Variants in KCNIP4 observed in about 807,000 individuals in gnomAD.
The protein encoded by KCNIP4 is potassium voltage-gated channel interacting protein 4.
In KCNIP4, 12 loss-of-function variants were observed where a neutral mutation model predicts 34.0. The ratio of observed to expected loss-of-function variants is 0.35; its 90% CI spans 0.23 to 0.57. KCNIP4 has a LOEUF of 0.57. Ranked by LOEUF, KCNIP4 falls within the 20% of genes least tolerant of loss-of-function variation. The pLI is 0.83. For synonymous variants in KCNIP4, 124 were observed against 102.2 expected, an observed-to-expected ratio of 1.21 and a Z score of -1.29; for missense variants, 238 against 311.7, an observed-to-expected ratio of 0.76 and a Z score of 1.78.
intron 1 of KCNIP4, among the ~76,000 whole-genome samples, chr4:21,800,994 G>A (rs901141985): frequency 2.0e-5 from 3 of 152,038 alleles, no homozygotes; most frequent in Admixed American, 6.6e-5. Flanking sequence ...TTCATTCTCC[G>A]AGTCAGAAAC....
At chr4:21,833,841 A>G (rs1045286455) in intron 1 of KCNIP4, among the ~76,000 whole-genome samples, 95 of 152,182 alleles carry the variant, frequency 6.2e-4, no homozygotes, top group Non-Finnish European at 1.2e-3. Flanking sequence ...CCATTTATTA[A>G]ATAGGGAATC....
chr4:21,435,144 A>G (rs888434830), intron 1 of KCNIP4, among the ~76,000 whole-genome samples: 3 of 152,232 alleles, frequency 2.0e-5, no homozygotes, highest in Non-Finnish European at 4.4e-5. Context: ...GGACTCATGA[A>G]CAAAGATGGG....
chr4:20,924,430 A>G (rs1011834425), intron 1 of KCNIP4, among the ~76,000 whole-genome samples: 9 of 152,214 alleles, frequency 5.9e-5, no homozygotes, highest in African/African-American at 2.2e-4. Flanking sequence ...TTATGTAGTC[A>G]GAGAATCCTC....
chr4:21,400,301 T>C (rs1351676668), intron 1 of KCNIP4, among the ~76,000 whole-genome samples: 1 of 151,866 alleles, frequency 6.6e-6, no homozygotes, highest in African/African-American at 2.4e-5. Flanking sequence ...GACAACAAGA[T>C]AACTGTAATG....
intron 1 of KCNIP4, among the ~76,000 whole-genome samples, chr4:21,247,578 C>CATATATATAT (rs368574338): frequency 6.9e-4 from 93 of 133,974 alleles, no homozygotes; most frequent in African/African-American, 2.0e-3. Context: ...GATATAAATA[C>CATATATATAT]ATATATATAT....
chr4:21,915,153 C>T (rs1728559611), intron 1 of KCNIP4, among the ~76,000 whole-genome samples: 1 of 152,156 alleles, frequency 6.6e-6, no homozygotes, highest in South Asian at 2.1e-4. Context: ...CTCAACTCTG[C>T]TGTTATAAAC....
chr4:20,833,809 C>T (rs964370356), intron 3 of KCNIP4, among the ~76,000 whole-genome samples: 6 of 152,122 alleles, frequency 3.9e-5, no homozygotes, highest in South Asian at 4.1e-4. Context: ...TTTTAGACTC[C>T]GTGCTCATTT....
In KCNIP4 at chr4:21,517,263, C is replaced by A. The variant is rs540049711; in HGVS notation, c.61+431308G>T. ...CACGTCAGAGTGGGATCCAGGACCC[C>A]CTTCCTGTAAATAACCATAAACACA... On this transcript the variant is annotated intron_variant, in intron 1 of 8. Transcript: ENST00000382152. 1.2e-4 allele frequency among the ~76,000 whole-genome samples: 19 copies of A among 152,212 alleles called. No homozygotes were observed. The South Asian group carries it at 3.9e-3, about 32-fold the overall frequency.
intron 1 of KCNIP4, among the ~76,000 whole-genome samples, chr4:21,008,222 A>G (rs1738739970): frequency 3.3e-5 from 5 of 152,226 alleles, no homozygotes; most frequent in Admixed American, 2.0e-4. Flanking sequence ...AATCCACCGG[A>G]GAACTGCATT....
chr4:21,152,503 AT>A (rs936603083), intron 1 of KCNIP4, among the ~76,000 whole-genome samples: 1,637 of 143,654 alleles, frequency 0.011, 18 homozygotes, highest in African/African-American at 0.034. Context: ...AATACAAGCC[AT>A]TTTTTTTTTT....
chr4:21,564,006 T>G (rs998148953), intron 1 of KCNIP4, among the ~76,000 whole-genome samples: 5 of 152,126 alleles, frequency 3.3e-5, no homozygotes, highest in African/African-American at 4.8e-5. Flanking sequence ...TTAATATATC[T>G]AAGACATTGT....
chr4:21,569,234 TAAAAAAAA>T (rs71191521), intron 1 of KCNIP4, among the ~76,000 whole-genome samples: 8 of 25,186 alleles, frequency 3.2e-4, no homozygotes, highest in Admixed American at 1.8e-3. Flanking sequence ...ACTGATATTC[TAAAAAAAA>T]AAAAAAAAAA....
intron 1 of KCNIP4, among the ~76,000 whole-genome samples, chr4:20,958,174 T>C (rs1181101221): frequency 6.6e-6 from 1 of 152,222 alleles, no homozygotes. Context: ...TAGAAAGGAC[T>C]CCTGTGAAAT....
At chr4:21,742,491 G>C (rs1310660456) in intron 1 of KCNIP4, among the ~76,000 whole-genome samples, 2 of 152,118 alleles carry the variant, frequency 1.3e-5, no homozygotes, top group Non-Finnish European at 2.9e-5. Flanking sequence ...TAGAAAGCTG[G>C]CATTTTACTT....
chr4:21,421,169 A>G (rs1048436107), intron 1 of KCNIP4, among the ~76,000 whole-genome samples: 3 of 152,204 alleles, frequency 2.0e-5, no homozygotes, highest in African/African-American at 7.2e-5. Flanking sequence ...AAGAGGGAAC[A>G]CTTGCACACT....
chr4:21,558,434 G>A (rs1341769785), intron 1 of KCNIP4, among the ~76,000 whole-genome samples: 1 of 151,866 alleles, frequency 6.6e-6, no homozygotes, highest in African/African-American at 2.4e-5. Flanking sequence ...AGAGGTTACA[G>A]TGAGCTGAGC....
At chr4:21,824,448 ACC>A (rs1340418322) in intron 1 of KCNIP4, among the ~76,000 whole-genome samples, 1 of 152,130 alleles carries the variant, frequency 6.6e-6, no homozygotes, top group East Asian at 1.9e-4. Flanking sequence ...ATTTTTCAGA[ACC>A]TGCATTCTGA....
intron 1 of KCNIP4, among the ~76,000 whole-genome samples, chr4:21,812,930 A>G (rs1026133891): frequency 1.8e-4 from 28 of 152,258 alleles, no homozygotes; most frequent in Non-Finnish European, 2.8e-4. Flanking sequence ...ACACTTTCAC[A>G]TAAGACTTGA....
intron 5 of KCNIP4, among the ~76,000 whole-genome samples, chr4:20,735,841 CTTG>C (rs1199714303): frequency 2.6e-5 from 4 of 152,140 alleles, no homozygotes; most frequent in South Asian, 2.1e-4. Flanking sequence ...GGCCAGATTT[CTTG>C]TTGTTATGTA....
Sources: allele counts gnomAD v4.1 joint callset (sites outside exome capture counted in the v4.1 genomes callset), GRCh38; gene constraint gnomAD v4.1.1; transcripts MANE v1.5; gene names NCBI Gene and HGNC (gene_info 2026-07-23, HGNC 2026-07-21).